The following CAMK2D variants were observed in gnomAD, a reference collection of about 807,000 sequenced individuals.
The protein encoded by CAMK2D is calcium/calmodulin dependent protein kinase II delta, also known as calcium/calmodulin-dependent protein kinase type II subunit delta.
Under a neutral mutation model 84.0 loss-of-function variants are expected in CAMK2D, and 37 were observed. The observed-to-expected ratio is 0.44, with a 90% confidence interval of 0.34 to 0.58. CAMK2D has a LOEUF of 0.58. Among genes scored for constraint, CAMK2D ranks in the 20% least tolerant of loss-of-function variants. The pLI, the probability that CAMK2D is intolerant of heterozygous loss-of-function variation, is 0.02. For synonymous variants in CAMK2D, 202 were observed against 212.5 expected, an observed-to-expected ratio of 0.95 and a Z score of 0.43; for missense variants, 448 against 652.5, an observed-to-expected ratio of 0.69 and a Z score of 3.41.
chr4:113,588,495 T>C (rs767513048), intron 4 of CAMK2D, among the ~76,000 whole-genome samples: 13 of 152,180 alleles, frequency 8.5e-5, no homozygotes, highest in South Asian at 4.1e-4. Context: ...CAAAAGCAGA[T>C]ACTTGGCTAA....
At chr4:113,597,144 A>G (rs571643914) in intron 4 of CAMK2D, among the ~76,000 whole-genome samples, 11 of 152,246 alleles carry the variant, frequency 7.2e-5, no homozygotes, top group African/African-American at 2.4e-4. Context: ...GGAATGGTCA[A>G]TGAGCATTCA....
chr4:113,609,156 C>A lies in CAMK2D; in HGVS notation c.271G>T (p.Asp91Tyr). ...GAATACAGAGTATATACTTACAAAT[C>A]AAACACCAAGTAGTGAAAGCCCTCT... Reference protein sequence around the residue: ...SEEGFHYLVFDLVTGGELFED... With the variant: ...SEEGFHYLVFYLVTGGELFED... Residue 91 changes from aspartate (D) to tyrosine (Y), a missense_variant, in exon 4 of 21, where the codon GAT becomes TAT. Physicochemically the swap from Asp to Tyr is radical, Grantham distance 160 (BLOSUM62 -3). Around this residue, in one of 7 missense-constraint regions of CAMK2D, gnomAD observed 46 missense variants for 46.3 expected, o/e 0.99. Coordinates refer to ENST00000511664, the MANE Select transcript of CAMK2D (RefSeq NM_001321571.2). 1.9e-6 allele frequency: 3 copies of A among 1,552,212 alleles called. No individual in the cohort carries two copies. The South Asian group carries it at 3.3e-5, about 17-fold the overall frequency.
chr4:113,731,289 T>C (rs1244287945), intron 2 of CAMK2D, among the ~76,000 whole-genome samples: 1 of 152,202 alleles, frequency 6.6e-6, no homozygotes, highest in African/African-American at 2.4e-5. Flanking sequence ...CTCTGTGTAT[T>C]AGCATTCCCG....
chr4:113,570,160 G>A (rs1190839587), intron 4 of CAMK2D, among the ~76,000 whole-genome samples: 3 of 152,096 alleles, frequency 2.0e-5, no homozygotes, highest in Admixed American at 6.5e-5. Context: ...CTCTGTTCAT[G>A]GATTGGAAGA....
chr4:113,658,942 G>T (rs1290683844), intron 3 of CAMK2D, among the ~76,000 whole-genome samples: 1 of 152,198 alleles, frequency 6.6e-6, no homozygotes. Context: ...AAGGAATTAT[G>T]ACATTTGGCT....
chr4:113,461,751 G>C (rs926655584), intron 17 of CAMK2D, among the ~76,000 whole-genome samples: 1 of 152,130 alleles, frequency 6.6e-6, no homozygotes, highest in Non-Finnish European at 1.5e-5. Context: ...ACAGTGGATG[G>C]GGCCACATCT....
At chr4:113,674,676 C>T (rs1227111878) in intron 2 of CAMK2D, among the ~76,000 whole-genome samples, 1 of 152,118 alleles carries the variant, frequency 6.6e-6, no homozygotes, top group Non-Finnish European at 1.5e-5. Context: ...TGCCCACCTG[C>T]TAAATGTCTG....
At chr4:113,692,719 C>T (rs1034313973) in intron 2 of CAMK2D, among the ~76,000 whole-genome samples, 2 of 151,804 alleles carry the variant, frequency 1.3e-5, no homozygotes, top group African/African-American at 4.8e-5. Context: ...TTCATATATA[C>T]ATACATATAT....
chr4:113,583,522 G>C (rs944052932), intron 4 of CAMK2D, among the ~76,000 whole-genome samples: 1 of 152,276 alleles, frequency 6.6e-6, no homozygotes, highest in Non-Finnish European at 1.5e-5. Flanking sequence ...ATTATCACAT[G>C]CTATGAAACT....
Position 113,761,098 on chromosome 4 carries a change from G to A in CAMK2D, c.-30C>T. On this transcript the variant is annotated 5_prime_UTR_variant, in exon 1 of 21. Coordinates refer to ENST00000511664, the MANE Select transcript of CAMK2D (RefSeq NM_001321571.2). ...GGTCCGGGCTGTGCCCTGGCTGGGA[G>A]CGCGACGGACCAGAAGCGAGCAGAC... 4.3e-6 allele frequency: 7 copies of A among 1,613,616 alleles called. No homozygotes were observed. The highest frequency in any genetic ancestry group is 1.6e-4 in the Middle Eastern group (1 of 6,062).
intron 2 of CAMK2D, among the ~76,000 whole-genome samples, chr4:113,677,807 T>C (rs74922043): frequency 0.013 from 2,010 of 152,124 alleles, 39 homozygotes; most frequent in South Asian, 0.041. Flanking sequence ...TAATCTCATG[T>C]ATACAGAGGA....
intron 2 of CAMK2D, among the ~76,000 whole-genome samples, chr4:113,722,002 C>T (rs2099531906): frequency 6.6e-6 from 1 of 152,116 alleles, no homozygotes; most frequent in South Asian, 2.1e-4. Context: ...TCTAATGATC[C>T]CTTTAAGTTA....
At chr4:113,651,971 G>T (rs1239923075) in intron 3 of CAMK2D, among the ~76,000 whole-genome samples, 1 of 151,856 alleles carries the variant, frequency 6.6e-6, no homozygotes, top group Non-Finnish European at 1.5e-5. Flanking sequence ...TTTCCCTCTG[G>T]AACAAGGACT....
At position 113,532,873 on chromosome 4, in the gene CAMK2D, C is replaced by T. The variant is rs551924040; in HGVS notation, c.518-1574G>A. ...TCCTTGAATCCTCAATATTTTTTCT[C>T]TACCTCTTTTCTAACAGAGAGTGGC... is the stretch of plus-strand genomic sequence containing the variant. On this transcript the variant is annotated intron_variant, in intron 7 of 20. Coordinates refer to ENST00000511664, the MANE Select transcript of CAMK2D (RefSeq NM_001321571.2). Among the ~76,000 whole-genome samples the T allele has an allele frequency of 2.0e-5, 3 of 152,000 alleles. No individual in the cohort carries two copies. In the South Asian group the frequency reaches 6.2e-4, roughly 32 times the overall value.
At chr4:113,648,974 T>C (rs1455631311) in intron 3 of CAMK2D, among the ~76,000 whole-genome samples, 2 of 152,236 alleles carry the variant, frequency 1.3e-5, no homozygotes, top group Admixed American at 6.5e-5. Context: ...CCAATGTTTT[T>C]TCCTCCTTTG....
intron 4 of CAMK2D, among the ~76,000 whole-genome samples, chr4:113,592,016 T>A (rs930216960): frequency 1.3e-5 from 2 of 152,182 alleles, no homozygotes; most frequent in African/African-American, 4.8e-5. Flanking sequence ...TTAGCAAAGT[T>A]CTTTGCATAT....
At chr4:113,509,970 T>C (rs2098188828) in intron 12 of CAMK2D, among the ~76,000 whole-genome samples, 1 of 152,240 alleles carries the variant, frequency 6.6e-6, no homozygotes, top group Non-Finnish European at 1.5e-5. Context: ...GTGAAAAGGA[T>C]ACTGGAACTT....
intron 2 of CAMK2D, among the ~76,000 whole-genome samples, chr4:113,719,810 C>T (rs939752538): frequency 6.6e-6 from 1 of 152,120 alleles, no homozygotes; most frequent in African/African-American, 2.4e-5. Flanking sequence ...CAAGTACCTA[C>T]TCAAAGCGCT....
intron 4 of CAMK2D, among the ~76,000 whole-genome samples, chr4:113,559,655 C>T (rs947233330): frequency 2.6e-5 from 4 of 152,234 alleles, no homozygotes; most frequent in African/African-American, 9.7e-5. Flanking sequence ...CTGCCTTTGA[C>T]TGAAAACATC....
Sources: gnomAD v4.1 joint callset for allele counts (sites outside exome capture counted in the v4.1 genomes callset) on GRCh38, gnomAD v4.1.1 for gene constraint, gnomAD v4.1.1 regional missense constraint, MANE v1.5 for transcripts, NCBI Gene and HGNC (gene_info 2026-07-23, HGNC 2026-07-21) for gene names.